PRKG1: variants seen among roughly 807,000 people sequenced by gnomAD.
PRKG1 encodes protein kinase cGMP-dependent 1, also known as cGMP-dependent protein kinase 1.
PRKG1 carries 35 observed loss-of-function variants against 88.1 expected under a neutral mutation model. The observed-to-expected ratio is 0.40, with a 90% CI of 0.30 to 0.53. The LOEUF is 0.53. Ranked by LOEUF, PRKG1 falls within the 20% of genes least tolerant of loss-of-function variation. The probability of loss-of-function intolerance (pLI) is 0.59; values close to 1 mark genes in which losing one functional copy is unlikely to be tolerated. For missense variants in PRKG1, 540 were observed against 839.8 expected, an observed-to-expected ratio of 0.64 and a Z score of 4.41; for synonymous variants, 303 against 292.5, an observed-to-expected ratio of 1.04 and a Z score of -0.37.
chr10:51,849,071 C>A (rs555076945), intron 4 of PRKG1, among the ~76,000 whole-genome samples: 2 of 152,240 alleles, frequency 1.3e-5, no homozygotes, highest in South Asian at 4.1e-4. Flanking sequence ...GCTAATGCTT[C>A]TTTTTATTTC....
At chr10:52,291,373 T>A (rs1842240115) in intron 17 of PRKG1, among the ~76,000 whole-genome samples, 1 of 150,878 alleles carries the variant, frequency 6.6e-6, no homozygotes, top group Non-Finnish European at 1.5e-5. Flanking sequence ...TCATTTAGCA[T>A]TAGGTGTATC....
chr10:50,996,984 C>T (rs927121436), intron 1 of PRKG1, among the ~76,000 whole-genome samples: 2 of 152,124 alleles, frequency 1.3e-5, no homozygotes, highest in Non-Finnish European at 2.9e-5. Flanking sequence ...TGTAAACATC[C>T]TTGTATCTTG....
intron 9 of PRKG1, among the ~76,000 whole-genome samples, chr10:52,217,728 G>C (rs1309856825): frequency 6.6e-6 from 1 of 152,112 alleles, no homozygotes; most frequent in Non-Finnish European, 1.5e-5. Flanking sequence ...AAATGTACTA[G>C]CTGGGAGATA....
intron 5 of PRKG1, among the ~76,000 whole-genome samples, chr10:51,980,060 A>G (rs1244500057): frequency 6.6e-6 from 1 of 151,872 alleles, no homozygotes; most frequent in Non-Finnish European, 1.5e-5. Context: ...TAGTTCTTCT[A>G]GTTGTGATGT....
intron 7 of PRKG1, among the ~76,000 whole-genome samples, chr10:52,083,230 G>C (rs1264700981): frequency 6.6e-6 from 1 of 151,860 alleles, no homozygotes. Flanking sequence ...CTTTGGGCCA[G>C]GTACAACATC....
intron 4 of PRKG1, among the ~76,000 whole-genome samples, chr10:51,810,822 C>G (rs372621965): frequency 6.6e-6 from 1 of 152,112 alleles, no homozygotes. Flanking sequence ...GCCTATGGGC[C>G]ATACTTCAAC....
intron 5 of PRKG1, among the ~76,000 whole-genome samples, chr10:51,945,158 AT>A (rs1365786348): frequency 1.3e-5 from 2 of 149,702 alleles, no homozygotes; most frequent in African/African-American, 4.9e-5. Context: ...GTGCATATAT[AT>A]TTAGGATAGT....
At chr10:51,794,026 A>C (rs565630079) in intron 3 of PRKG1, among the ~76,000 whole-genome samples, 4 of 152,154 alleles carry the variant, frequency 2.6e-5, no homozygotes, top group Non-Finnish European at 4.4e-5. Flanking sequence ...AGTCTCTCAA[A>C]GTGCTAGGAT....
intron 3 of PRKG1, among the ~76,000 whole-genome samples, chr10:51,770,236 T>C (rs867698238): frequency 2.6e-5 from 4 of 152,190 alleles, no homozygotes; most frequent in African/African-American, 7.2e-5. Flanking sequence ...AAGGAGACCT[T>C]CTTCACTTTC....
chr10:51,993,173 C>A (rs983366849), intron 5 of PRKG1, among the ~76,000 whole-genome samples: 2 of 152,088 alleles, frequency 1.3e-5, no homozygotes, highest in African/African-American at 2.4e-5. Flanking sequence ...AGCTTTAAGG[C>A]AGTAGATTTC....
chr10:51,975,697 C>G (rs1843815359), intron 5 of PRKG1, among the ~76,000 whole-genome samples: 1 of 151,990 alleles, frequency 6.6e-6, no homozygotes, highest in African/African-American at 2.4e-5. Flanking sequence ...AAGTATAAAA[C>G]TCTTAGAAGG....
At chr10:51,274,239 A>G (rs1436591517) in intron 2 of PRKG1, among the ~76,000 whole-genome samples, 2 of 152,172 alleles carry the variant, frequency 1.3e-5, no homozygotes, top group Non-Finnish European at 1.5e-5. Context: ...ACCACTTTCA[A>G]TGATAAAACA....
chr10:52,142,722 A>G (rs1414273236), intron 8 of PRKG1, among the ~76,000 whole-genome samples: 3 of 152,176 alleles, frequency 2.0e-5, no homozygotes, highest in African/African-American at 7.2e-5. Flanking sequence ...AATTTATTTC[A>G]TTAAAAACAT....
chr10:51,958,776 A>C (rs918147475), intron 5 of PRKG1, among the ~76,000 whole-genome samples: 1 of 152,144 alleles, frequency 6.6e-6, no homozygotes, highest in African/African-American at 2.4e-5. Flanking sequence ...GCTACAGTGC[A>C]TGGCCAGAAC....
chr10:51,254,076 A>G (rs929154068), intron 2 of PRKG1, among the ~76,000 whole-genome samples: 9 of 151,942 alleles, frequency 5.9e-5, no homozygotes, highest in Non-Finnish European at 1.3e-4. Flanking sequence ...GTAAGATCAA[A>G]GTGTTTAATA....
rs79059551 is a variant in PRKG1, at chr10:51,115,891, T to C, written c.312-37273T>C. Reference sequence around the variant, plus strand: ...TAGTACCAAAATTCCTTTTTAAGAATTGTCATAGTGCAAACATAGAGAAGA... The same window carrying C: ...TAGTACCAAAATTCCTTTTTAAGAACTGTCATAGTGCAAACATAGAGAAGA... On this transcript the variant is annotated intron_variant, in intron 1 of 17. Transcript: ENST00000373980. Among the ~76,000 whole-genome samples, 216 of 149,490 alleles carry C rather than the reference T, an allele frequency of 1.4e-3. 1 individual carries two copies. The highest frequency in any genetic ancestry group is 5.1e-3 in the African/African-American group (206 of 40,770).
chr10:51,689,500 G>T (rs1309831436), intron 3 of PRKG1, among the ~76,000 whole-genome samples: 2 of 152,120 alleles, frequency 1.3e-5, no homozygotes, highest in Non-Finnish European at 2.9e-5. Context: ...CATCAAGTTT[G>T]GTGGGTGCAT....
chr10:51,518,582 C>G (rs1841655351), intron 3 of PRKG1, among the ~76,000 whole-genome samples: 1 of 152,086 alleles, frequency 6.6e-6, no homozygotes, highest in African/African-American at 2.4e-5. Context: ...GCATATAGAG[C>G]TGAGAATCCG....
intron 4 of PRKG1, among the ~76,000 whole-genome samples, chr10:51,825,573 G>A (rs1839862940): frequency 6.6e-6 from 1 of 152,090 alleles, no homozygotes; most frequent in East Asian, 1.9e-4. Context: ...TAGAGAGTCC[G>A]TGGTCTGTTC....
Sources: allele counts gnomAD v4.1 joint callset (sites outside exome capture counted in the v4.1 genomes callset), GRCh38; gene constraint gnomAD v4.1.1; transcripts MANE v1.5; gene names NCBI Gene and HGNC (gene_info 2026-07-23, HGNC 2026-07-21).